The following GALNT17 variants were observed in gnomAD, a reference collection of about 807,000 sequenced individuals.
GALNT17 encodes UDP-GalNAc:polypeptide N-acetylgalactosaminyltransferase-like 3.
In GALNT17, 29 loss-of-function variants were observed where a neutral mutation model predicts 63.7. That is an observed-to-expected ratio of 0.46 (90% CI 0.34 to 0.62). The LOEUF (loss-of-function observed/expected upper bound fraction) is 0.62. Ranked by LOEUF, GALNT17 falls within the 20% of genes least tolerant of loss-of-function variation. The pLI, the probability that GALNT17 is intolerant of heterozygous loss-of-function variation, is 0.01. For synonymous variants in GALNT17, 305 were observed against 318.3 expected, an observed-to-expected ratio of 0.96 and a Z score of 0.45; for missense variants, 603 against 799.6, an observed-to-expected ratio of 0.75 and a Z score of 2.97.
chr7:71,681,336 C>G (rs1791258697), intron 9 of GALNT17, among the ~76,000 whole-genome samples: 1 of 152,198 alleles, frequency 6.6e-6, no homozygotes, highest in Admixed American at 6.6e-5. Context: ...GTTTAGACTG[C>G]CTACAGCAGT....
At chr7:71,185,301 G>A (rs1483856430) in intron 1 of GALNT17, among the ~76,000 whole-genome samples, 1 of 150,986 alleles carries the variant, frequency 6.6e-6, no homozygotes, top group Non-Finnish European at 1.5e-5. Context: ...GACTTCTCGG[G>A]CTCAGGTGAT....
intron 6 of GALNT17, among the ~76,000 whole-genome samples, chr7:71,595,976 C>T (rs1789879588): frequency 6.6e-6 from 1 of 152,210 alleles, no homozygotes; most frequent in Admixed American, 6.5e-5. Flanking sequence ...GATTAATCTG[C>T]TTTGTTTTTT....
chr7:71,489,667 A>G (rs1787973998), intron 5 of GALNT17, among the ~76,000 whole-genome samples: 1 of 152,226 alleles, frequency 6.6e-6, no homozygotes, highest in African/African-American at 2.4e-5. Flanking sequence ...GGATTTTACT[A>G]GAGGCTTACA....
intron 5 of GALNT17, among the ~76,000 whole-genome samples, chr7:71,474,590 A>G (rs1205382619): frequency 6.6e-6 from 1 of 152,176 alleles, no homozygotes; most frequent in Non-Finnish European, 1.5e-5. Context: ...TTCATGGGAG[A>G]ATCAATAAGG....
chr7:71,204,757 G>GT (rs1474538760), intron 1 of GALNT17, among the ~76,000 whole-genome samples: 2 of 150,680 alleles, frequency 1.3e-5, no homozygotes, highest in Non-Finnish European at 3.0e-5. Flanking sequence ...TTTTGTTTTT[G>GT]TTTTTTGAAA....
At chr7:71,385,842 A>G (rs1251834383) in intron 2 of GALNT17, among the ~76,000 whole-genome samples, 1 of 152,154 alleles carries the variant, frequency 6.6e-6, no homozygotes, top group East Asian at 1.9e-4. Context: ...TGAGGTGCGC[A>G]GATCGCTTGA....
At chr7:71,337,826 C>A (rs1791936664) in intron 2 of GALNT17, among the ~76,000 whole-genome samples, 1 of 151,954 alleles carries the variant, frequency 6.6e-6, no homozygotes, top group Admixed American at 6.6e-5. Flanking sequence ...CGAGATCACA[C>A]CATTGCACTC....
At chr7:71,574,629 A>G (rs1789505142) in intron 6 of GALNT17, among the ~76,000 whole-genome samples, 1 of 152,144 alleles carries the variant, frequency 6.6e-6, no homozygotes, top group Admixed American at 6.5e-5. Flanking sequence ...TGGAGTCTAC[A>G]CAGAATTCTC....
intron 1 of GALNT17, among the ~76,000 whole-genome samples, chr7:71,139,425 A>C (rs1306456814): frequency 6.6e-6 from 1 of 152,194 alleles, no homozygotes; most frequent in Non-Finnish European, 1.5e-5. Flanking sequence ...TACCAAATTT[A>C]GATTTCAGAA....
chr7:71,254,815 C>G (rs1201397807), intron 1 of GALNT17, among the ~76,000 whole-genome samples: 1 of 152,176 alleles, frequency 6.6e-6, no homozygotes, highest in African/African-American at 2.4e-5. Flanking sequence ...ACCCAGCAAG[C>G]TGAAAACAGG....
chr7:71,377,126 T>A (rs1357887711), intron 2 of GALNT17, among the ~76,000 whole-genome samples: 13 of 114,682 alleles, frequency 1.1e-4, no homozygotes, highest in East Asian at 2.5e-4. Flanking sequence ...TATATATATA[T>A]ATATATATAT....
chr7:71,231,874 C>T (rs1362733823), intron 1 of GALNT17, among the ~76,000 whole-genome samples: 1 of 151,996 alleles, frequency 6.6e-6, no homozygotes, highest in Non-Finnish European at 1.5e-5. Context: ...CTAATTACCT[C>T]CCAAAGGCCC....
chr7:71,558,118 C>G (rs1789195076), intron 5 of GALNT17, among the ~76,000 whole-genome samples: 1 of 152,124 alleles, frequency 6.6e-6, no homozygotes, highest in African/African-American at 2.4e-5. Flanking sequence ...CTGCCAGTCT[C>G]TCCCAGTCCA....
intron 1 of GALNT17, among the ~76,000 whole-genome samples, chr7:71,319,122 C>CTTTCTTTCTTTCTTTCTTTCTTTCT (rs1241022535): frequency 4.0e-4 from 61 of 151,516 alleles, no homozygotes; most frequent in Non-Finnish European, 6.5e-4. Flanking sequence ...TTCTTTCTTT[C>CTTTCTTTCTTTCTTTCTTTCTTTCT]TTTTTTTTGT....
intron 1 of GALNT17, among the ~76,000 whole-genome samples, chr7:71,211,797 C>G (rs957161331): frequency 5.3e-5 from 8 of 152,142 alleles, no homozygotes; most frequent in Admixed American, 1.3e-4. Context: ...TGCCCCTGCC[C>G]TCAAGATATG....
chr7:71,364,107 C>T (rs925790405), intron 2 of GALNT17, among the ~76,000 whole-genome samples: 1 of 152,086 alleles, frequency 6.6e-6, no homozygotes, highest in African/African-American at 2.4e-5. Context: ...ACCCATCACC[C>T]GAGCAGTATA....
At chr7:71,460,121 G>A (rs908803236) in intron 5 of GALNT17, among the ~76,000 whole-genome samples, 1 of 152,048 alleles carries the variant, frequency 6.6e-6, no homozygotes, top group Non-Finnish European at 1.5e-5. Flanking sequence ...CATGTTCTTA[G>A]GACCCCCTGA....
At chr7:71,425,653 C>T (rs1049292881) in intron 5 of GALNT17, among the ~76,000 whole-genome samples, 10 of 152,090 alleles carry the variant, frequency 6.6e-5, no homozygotes, top group African/African-American at 1.9e-4. Context: ...TTTGACCACC[C>T]GGCCCCCAGA....
In GALNT17 at chr7:71,374,227, T is replaced by C. The variant is rs1004601207; in HGVS notation, c.423-14008T>C. ...GAGCTTTGGAGTCAGGTAGATAAAG[T>C]TTAAGTCTACCCACCACTTTCTTGG... On this transcript the variant is annotated intron_variant, in intron 2 of 10. Coordinates refer to ENST00000333538, the MANE Select transcript of GALNT17 (RefSeq NM_022479.3). 5.3e-5 allele frequency among the ~76,000 whole-genome samples: 8 copies of C among 152,286 alleles called. No homozygotes were observed. The East Asian group carries it at 1.5e-3, about 29-fold the overall frequency.
Sources: gnomAD v4.1 joint callset for allele counts (sites outside exome capture counted in the v4.1 genomes callset) on GRCh38, gnomAD v4.1.1 for gene constraint, MANE v1.5 for transcripts, NCBI Gene and HGNC (gene_info 2026-07-23, HGNC 2026-07-21) for gene names.